The following ULK4 variants were observed in gnomAD, a reference collection of about 807,000 sequenced individuals.
ULK4 encodes the protein unc-51 like kinase 4.
Under a neutral mutation model 160.6 loss-of-function variants are expected in ULK4, and 133 were observed. The observed-to-expected ratio is 0.83, with a 90% CI of 0.72 to 0.96. The LOEUF (loss-of-function observed/expected upper bound fraction) is 0.96, where lower values mean the gene tolerates loss of function less well. ULK4 is among the 40% of genes least tolerant of loss of function. ULK4 has a pLI of 0.00. For missense variants in ULK4, 1,580 were observed against 1,499.5 expected, an observed-to-expected ratio of 1.05 and a Z score of -0.89; for synonymous variants, 534 against 539.8, an observed-to-expected ratio of 0.99 and a Z score of 0.15.
chr3:41,491,622 G>A lies in ULK4; in HGVS notation c.3227-28369C>T, dbSNP rs971832971. Among the ~76,000 whole-genome samples, 8 of 151,782 alleles carry A rather than the reference G, an allele frequency of 5.3e-5. No individual in the cohort carries two copies. The East Asian group carries it at 5.8e-4, about 11-fold the overall frequency. On this transcript the variant is annotated intron_variant, in intron 32 of 36. Coordinates refer to ENST00000301831, the MANE Select transcript of ULK4 (RefSeq NM_017886.4). ...ATCCTACTCCCACAACTTATAACAC[G>A]GTACATTCCAGGTGGCCCAATGATT...
intron 21 of ULK4, among the ~76,000 whole-genome samples, chr3:41,773,610 T>C (rs1039569510): frequency 1.3e-5 from 2 of 152,124 alleles, no homozygotes; most frequent in African/African-American, 4.8e-5. Flanking sequence ...TGCTCATGGA[T>C]AGGAAGAATC....
intron 35 of ULK4, among the ~76,000 whole-genome samples, chr3:41,367,360 T>C (rs1416193640): frequency 6.6e-6 from 1 of 152,166 alleles, no homozygotes; most frequent in Non-Finnish European, 1.5e-5. Context: ...AGAATAAAGA[T>C]ATCAATTCAG....
intron 33 of ULK4, among the ~76,000 whole-genome samples, chr3:41,459,208 C>T (rs1018971756): frequency 1.3e-5 from 2 of 151,930 alleles, no homozygotes; most frequent in Non-Finnish European, 2.9e-5. Flanking sequence ...TGTGCCACCA[C>T]ACCCGGCTAA....
intron 5 of ULK4, among the ~76,000 whole-genome samples, chr3:41,925,576 G>A (rs1017585528): frequency 1.1e-4 from 17 of 152,156 alleles, no homozygotes; most frequent in African/African-American, 4.1e-4. Context: ...CCTGGAAAGG[G>A]GGCCAAAGCC....
At chr3:41,884,142 G>C (rs1697631172) in intron 16 of ULK4, among the ~76,000 whole-genome samples, 190 bp from the exon 17 acceptor site, 1 of 152,200 alleles carries the variant, frequency 6.6e-6, no homozygotes, top group Non-Finnish European at 1.5e-5. Context: ...TACTTAGGGA[G>C]ACACGAACCG....
Position 41,938,166 on chromosome 3 carries a change from T to C in ULK4, c.170A>G (p.Asn57Ser). The C allele has an allele frequency of 6.2e-7, 1 of 1,613,388 alleles. No homozygotes were observed. The change falls in exon 3 of 37, where the codon AAT becomes AGT. Residue 57 changes from asparagine to serine, a missense_variant. Asn to Ser is a conservative substitution (Grantham distance 46). Coordinates refer to ENST00000301831, the MANE Select transcript of ULK4 (RefSeq NM_017886.4). ...ATACCATTCATGAAAAGTTACAATA[T>C]TCTTGTGTTTTATTTCACGGGTGAG... ...VRLTREIKHKNIVTFHEWYET... is the reference protein window; with the variant it reads ...VRLTREIKHKSIVTFHEWYET...
At chr3:41,820,865 C>G (rs536877999) in intron 18 of ULK4, among the ~76,000 whole-genome samples, 2 of 152,300 alleles carry the variant, frequency 1.3e-5, no homozygotes, top group East Asian at 3.9e-4. Flanking sequence ...CCCATTAAAA[C>G]CATTCCCTTA....
At chr3:41,808,460 C>T (rs369144283) in intron 19 of ULK4, among the ~76,000 whole-genome samples, 1 of 152,152 alleles carries the variant, frequency 6.6e-6, no homozygotes, top group East Asian at 1.9e-4. Flanking sequence ...AAATAAGTGA[C>T]TCTAGTCCAT....
intron 34 of ULK4, among the ~76,000 whole-genome samples, chr3:41,443,032 A>G (rs1194612332): frequency 1.3e-5 from 2 of 152,084 alleles, no homozygotes; most frequent in African/African-American, 4.8e-5. Context: ...TATCCTTTGC[A>G]CTTTCAGTGT....
At chr3:41,771,534 T>C (rs2039374193) in intron 21 of ULK4, among the ~76,000 whole-genome samples, 1 of 152,166 alleles carries the variant, frequency 6.6e-6, no homozygotes, top group Non-Finnish European at 1.5e-5. Flanking sequence ...AATAAGAACT[T>C]ACCCTCACTT....
Position 41,398,146 on chromosome 3 carries a change from G to C in ULK4, c.3611C>G (p.Ala1204Gly). The C allele has an allele frequency of 6.2e-7, 1 of 1,613,488 alleles. No homozygotes were observed. The highest frequency in any genetic ancestry group is 1.1e-5 in the South Asian group (1 of 91,058). Residue 1204 changes from alanine (A) to glycine (G), a missense_variant, in exon 35 of 37, where the codon GCT becomes GGT. By Grantham distance (60) the Ala-to-Gly change is moderately conservative. Coordinates refer to ENST00000301831, the MANE Select transcript of ULK4 (RefSeq NM_017886.4). ...SLSPENVEIF[A>G]HLLTSKEDPK... ...GTCCTCCTTGGATGTCAGTAAATGA[G>C]CAAAAATTTCCACATTTTCAGGAGA...
intron 30 of ULK4, among the ~76,000 whole-genome samples, chr3:41,656,914 T>C (rs1431139918): frequency 5.3e-5 from 8 of 152,338 alleles, no homozygotes; most frequent in Non-Finnish European, 7.3e-5. Context: ...GAAGATTTGC[T>C]GAAAGCTAAT....
chr3:41,832,607 CT>C (rs1575791977), intron 18 of ULK4, among the ~76,000 whole-genome samples: 2 of 152,184 alleles, frequency 1.3e-5, no homozygotes, highest in East Asian at 3.8e-4. Context: ...GTCATTAAGC[CT>C]TTGCCCATGC....
intron 35 of ULK4, chr3:41,277,947 A>C (rs2079259211): frequency 6.6e-6 from 1 of 152,262 alleles, no homozygotes; most frequent in South Asian, 2.1e-4. Flanking sequence ...TGGGATGCAC[A>C]TGGGTGCAGC....
At chr3:41,404,226 ATTTTTT>A (rs60508995) in intron 34 of ULK4, among the ~76,000 whole-genome samples, 1 of 131,862 alleles carries the variant, frequency 7.6e-6, no homozygotes, top group Non-Finnish European at 1.6e-5. Flanking sequence ...TAGCTCTATC[ATTTTTT>A]TTTTTTTTTT....
intron 32 of ULK4, among the ~76,000 whole-genome samples, chr3:41,563,287 A>C (rs1318630101): frequency 6.6e-6 from 1 of 152,030 alleles, no homozygotes; most frequent in Non-Finnish European, 1.5e-5. Context: ...GGCTGCCCTT[A>C]ACATTTTTTC....
chr3:41,506,906 C>G (rs1329194139), intron 32 of ULK4, among the ~76,000 whole-genome samples: 13 of 147,018 alleles, frequency 8.8e-5, no homozygotes, highest in Non-Finnish European at 1.8e-4. Context: ...TGCGCATTGG[C>G]GGGTATCCTG....
intron 13 of ULK4, among the ~76,000 whole-genome samples, chr3:41,898,698 T>C (rs1698251385): frequency 6.6e-6 from 1 of 152,226 alleles, no homozygotes; most frequent in Non-Finnish European, 1.5e-5. Context: ...TCAATTGATA[T>C]CTGTAATAAA....
intron 34 of ULK4, among the ~76,000 whole-genome samples, chr3:41,409,680 G>A (rs2082371371): frequency 6.6e-6 from 1 of 152,102 alleles, no homozygotes; most frequent in South Asian, 2.1e-4. Context: ...TGGGCAAAGT[G>A]GCTCGCACCT....
Sources: gnomAD v4.1 joint callset for allele counts (sites outside exome capture counted in the v4.1 genomes callset) on GRCh38, gnomAD v4.1.1 for gene constraint, MANE v1.5 for transcripts, NCBI Gene and HGNC (gene_info 2026-07-23, HGNC 2026-07-21) for gene names.